FAT4: variants seen among roughly 807,000 people sequenced by gnomAD.
FAT4 encodes FAT atypical cadherin 4.
Under a neutral mutation model 303.9 loss-of-function variants are expected in FAT4, and 84 were observed. That is an observed-to-expected ratio of 0.28 (90% CI 0.23 to 0.33). The LOEUF (loss-of-function observed/expected upper bound fraction) is 0.33. Among genes scored for constraint, FAT4 ranks in the 10% least tolerant of loss-of-function variants. The pLI, the probability that FAT4 is intolerant of heterozygous loss-of-function variation, is 1.00. For missense variants in FAT4, 6,005 were observed against 6,146.8 expected (o/e 0.98, Z 0.77); for synonymous variants, 2,307 against 2,298.8 (o/e 1.00, Z -0.10).
intron 2 of FAT4, among the ~76,000 whole-genome samples, chr4:125,331,316 A>T (rs760124284): frequency 2.6e-5 from 4 of 152,152 alleles, no homozygotes; most frequent in African/African-American, 9.7e-5. Flanking sequence ...TAATGCTGCA[A>T]ATATGCTGCT....
At chr4:125,456,938 A>G (rs1002995309) in intron 10 of FAT4, among the ~76,000 whole-genome samples, 1 of 152,190 alleles carries the variant, frequency 6.6e-6, no homozygotes, top group African/African-American at 2.4e-5. Context: ...AGGTCTGTAT[A>G]TAATTTTTGG....
In FAT4 at chr4:125,405,847, A is replaced by G. The variant is rs72675350; in HGVS notation, c.5308-1033A>G. ...TATTCTTTTAAAGAAACATCTATAT[A>G]AGACCTTAACCATTTTTTTATTGGA... On this transcript the variant is annotated intron_variant, in intron 3 of 17. Transcript: ENST00000394329. 6.5e-3 allele frequency among the ~76,000 whole-genome samples: 990 copies of G among 152,196 alleles called. 11 individuals are homozygous for G. The highest frequency in any genetic ancestry group is 6.4e-3 in the Non-Finnish European group (437 of 67,986).
chr4:125,340,698 T>C (rs540074253), intron 2 of FAT4, among the ~76,000 whole-genome samples: 3 of 152,360 alleles, frequency 2.0e-5, no homozygotes, highest in African/African-American at 7.2e-5. Flanking sequence ...CCAGTTTCAC[T>C]AGTTCTTTGA....
At chr4:125,477,037 T>C in intron 13 of FAT4, 118 bp from the exon 14 acceptor site, 1 of 740,664 alleles carries the variant, frequency 1.4e-6, no homozygotes, top group Non-Finnish European at 1.9e-6. Context: ...TCCATTGAAA[T>C]TTATCACACT....
At chr4:125,474,817 A>C in intron 12 of FAT4, among the ~76,000 whole-genome samples, 1 of 152,066 alleles carries the variant, frequency 6.6e-6, no homozygotes, top group East Asian at 1.9e-4. Flanking sequence ...AATCATTTTC[A>C]TTCCTAATGA....
chr4:125,351,835 A>C (rs1560773996), intron 2 of FAT4, among the ~76,000 whole-genome samples: 1 of 151,664 alleles, frequency 6.6e-6, no homozygotes, highest in South Asian at 2.1e-4. Flanking sequence ...TCATCCTAAG[A>C]AAGATGAATT....
At chr4:125,438,263 A>G (rs138108747) in intron 8 of FAT4, among the ~76,000 whole-genome samples, 5 of 152,310 alleles carry the variant, frequency 3.3e-5, no homozygotes, top group Non-Finnish European at 5.9e-5. Flanking sequence ...TCTATAATAA[A>G]GTAAATGCTG....
At chr4:125,447,403 A>G (rs1352417693) in intron 9 of FAT4, among the ~76,000 whole-genome samples, 1 of 152,138 alleles carries the variant, frequency 6.6e-6, no homozygotes, top group East Asian at 1.9e-4. Context: ...AATCTAAAAT[A>G]TAGGATTCAT....
At position 125,490,119 on chromosome 4, in the gene FAT4, C is replaced by T; in HGVS notation, c.13303C>T (p.His4435Tyr). The stretch of plus-strand genomic sequence containing the variant: ...TGTCCCTCCTGGGGACTGTGCCTCC[C>T]ACCCGTGCCAGAATGGTGGCAGCTG... ...RCVPPGDCAS[H>Y]PCQNGGSCEP... Residue 4435 changes from histidine (H) to tyrosine (Y), a missense_variant, in exon 18 of 18, where the codon CAC (histidine) becomes TAC (tyrosine). Transcript: ENST00000394329. 1 of 1,614,088 alleles carries T rather than the reference C, an allele frequency of 6.2e-7. No individual in the cohort carries two copies. Among genetic ancestry groups the T allele is most frequent in the South Asian group, 1.1e-5 (1 of 91,082 alleles).
intron 2 of FAT4, among the ~76,000 whole-genome samples, chr4:125,332,088 TC>T (rs1193807230): frequency 6.6e-6 from 1 of 152,068 alleles, no homozygotes; most frequent in African/African-American, 2.4e-5. Context: ...AAAATATAGA[TC>T]TGCACAGGAC....
chr4:125,445,456 A>G (rs1725794994), intron 8 of FAT4, among the ~76,000 whole-genome samples: 2 of 152,150 alleles, frequency 1.3e-5, no homozygotes. Context: ...GTATAAAAGA[A>G]GAAAACTTTT....
Position 125,473,344 on chromosome 4 carries a change from A to G in FAT4, c.12214-2827A>G, listed in dbSNP as rs1040425289. Among the ~76,000 whole-genome samples the G allele has an allele frequency of 2.6e-5, 4 of 152,198 alleles. No individual in the cohort carries two copies. In the East Asian group the frequency reaches 5.8e-4, roughly 22 times the overall value. On this transcript the variant is annotated intron_variant, in intron 12 of 17. Transcript: ENST00000394329. ...AAAAATCCACCTGACTTTAATGAACATTAGTAGAGGTATAACAAACAAATC... is the reference window on the plus strand; with the variant it reads ...AAAAATCCACCTGACTTTAATGAACGTTAGTAGAGGTATAACAAACAAATC...
In FAT4 at chr4:125,321,206, C is replaced by A; in HGVS notation, c.4795C>A (p.Leu1599Ile). 6.2e-7 allele frequency: 1 copy of A among 1,614,156 alleles called. No homozygotes were observed. Among genetic ancestry groups the A allele is most frequent in the East Asian group, 2.2e-5 (1 of 44,882 alleles). Residue 1599 changes from leucine (L) to isoleucine (I), a missense_variant, in exon 2 of 18, where the codon CTC becomes ATC. By Grantham distance (5) the Leu-to-Ile change is conservative. Transcript: ENST00000394329. ...GGTGCCTTCACAGTTGATCTACAATCTCATAGTTTCAGCAACAGACCTTGG... is the reference window on the plus strand; with the variant it reads ...GGTGCCTTCACAGTTGATCTACAATATCATAGTTTCAGCAACAGACCTTGG... ...ALVPSQLIYN[L>I]IVSATDLGPE... is the part of the protein sequence containing the mutation.
chr4:125,479,231 T>G (rs1727138254), intron 14 of FAT4, among the ~76,000 whole-genome samples: 1 of 152,182 alleles, frequency 6.6e-6, no homozygotes, highest in African/African-American at 2.4e-5. Context: ...CACCTTGATT[T>G]TCTCTATAGC....
In FAT4 at chr4:125,421,774, G is replaced by A. The variant is rs1444512913; in HGVS notation, c.7018+5152G>A. ...TCCACTTCCTTTATTTTCCAGATAAGAAAATTGAAGGCTGGGATAGATAAG... is the reference window on the plus strand; with the variant it reads ...TCCACTTCCTTTATTTTCCAGATAAAAAAATTGAAGGCTGGGATAGATAAG... On this transcript the variant is annotated intron_variant, in intron 7 of 17. Coordinates refer to ENST00000394329, the MANE Select transcript of FAT4 (RefSeq NM_001291303.3). Among the ~76,000 whole-genome samples the A allele has an allele frequency of 3.9e-5, 6 of 152,194 alleles. No homozygotes were observed. In the East Asian group the frequency reaches 9.7e-4, roughly 25 times the overall value.
In FAT4 at chr4:125,450,521, G is replaced by A. The variant is rs746759926; in HGVS notation, c.9511G>A (p.Gly3171Arg). 31 of 1,613,994 alleles carry A rather than the reference G, an allele frequency of 1.9e-5. No individual in the cohort carries two copies. The highest frequency in any genetic ancestry group is 2.6e-5 in the Non-Finnish European group (31 of 1,180,022). The change falls in exon 10 of 18, where the codon GGA (glycine) becomes AGA (arginine). Residue 3171 changes from glycine to arginine, a missense_variant. By Grantham distance (125) the Gly-to-Arg change is moderately radical. Transcript: ENST00000394329. The stretch of plus-strand genomic sequence containing the variant: ...CGAAATGACGATTAGTGCTATAGAT[G>A]GAGGATGGGTTGCAAGAACTGGTTA... ...KHEMTISAID[G>R]GWVARTGYCS...
intron 2 of FAT4, among the ~76,000 whole-genome samples, chr4:125,396,785 C>T (rs528082036): frequency 3.3e-5 from 5 of 152,048 alleles, no homozygotes; most frequent in East Asian, 3.9e-4. Context: ...AATTATGATG[C>T]ATTCAGTTAC....
Position 125,317,355 on chromosome 4 carries a change from C to A in FAT4, c.944C>A (p.Ala315Asp). 6.2e-7 allele frequency: 1 copy of A among 1,612,912 alleles called. No homozygotes were observed. Among genetic ancestry groups the A allele is most frequent in the Non-Finnish European group, 8.5e-7 (1 of 1,179,656 alleles). The change falls in exon 2 of 18, where the codon GCT becomes GAT. Residue 315 changes from alanine to aspartate, a missense_variant. Ala to Asp is a moderately radical substitution (Grantham distance 126, BLOSUM62 -2). Coordinates refer to ENST00000394329, the MANE Select transcript of FAT4 (RefSeq NM_001291303.3). This position sits in a 1 kb window ranked among gnomAD's most constrained non-coding sequence, Gnocchi z 7.0. ...GTGCGGGAGCCCCTGGACTTCGAAG[C>A]TCGGCGCCAATACTCGCTTACGGTG... ...ITVREPLDFE[A>D]RRQYSLTVQA... is the part of the protein sequence containing the mutation.
chr4:125,433,622 G>A (rs1035684126), intron 7 of FAT4, among the ~76,000 whole-genome samples: 4 of 152,152 alleles, frequency 2.6e-5, no homozygotes, highest in East Asian at 1.9e-4. Flanking sequence ...ATCATTTCAC[G>A]TTACATTGAA....
Sources: allele counts gnomAD v4.1 joint callset (sites outside exome capture counted in the v4.1 genomes callset), GRCh38; gene constraint gnomAD v4.1.1; non-coding constraint Gnocchi (gnomAD v3.1); transcripts MANE v1.5; gene names NCBI Gene and HGNC (gene_info 2026-07-23, HGNC 2026-07-21).